Variants in OSBPL10 observed in about 807,000 individuals in gnomAD.
OSBPL10 encodes the protein oxysterol-binding protein-related protein 10.
OSBPL10 carries 49 observed loss-of-function variants against 81.7 expected under a neutral mutation model. The observed-to-expected ratio is 0.60, with a 90% confidence interval of 0.48 to 0.76. OSBPL10 has a LOEUF of 0.76. Ranked by LOEUF, OSBPL10 falls within the 30% of genes least tolerant of loss-of-function variation. The probability of loss-of-function intolerance (pLI) is 0.00; values close to 1 mark genes in which losing one functional copy is unlikely to be tolerated. For synonymous variants in OSBPL10, 419 were observed against 383.6 expected, an observed-to-expected ratio of 1.09 and a Z score of -1.08; for missense variants, 923 against 987.8, an observed-to-expected ratio of 0.93 and a Z score of 0.88.
chr3:32,003,353 G>A (rs1699170058), intron 2 of OSBPL10, among the ~76,000 whole-genome samples: 1 of 152,222 alleles, frequency 6.6e-6, no homozygotes, highest in Non-Finnish European at 1.5e-5. Context: ...GAAGTGCTAA[G>A]GGGGAGTTCC....
In OSBPL10 at chr3:31,879,717, C is replaced by T. The variant is rs1183650274; in HGVS notation, c.395G>A (p.Ser132Asn). 1 of 1,614,206 alleles carries T rather than the reference C, an allele frequency of 6.2e-7. No individual in the cohort carries two copies. Among genetic ancestry groups the T allele is most frequent in the East Asian group, 2.2e-5 (1 of 44,886 alleles). Residue 132 changes from serine (S) to asparagine (N), a missense_variant, in exon 2 of 12, where the codon AGC (serine) becomes AAC (asparagine). By Grantham distance (46) the Ser-to-Asn change is conservative (BLOSUM62 1). Around this residue, in one of 3 missense-constraint regions of OSBPL10, gnomAD observed 514 missense variants for 508.0 expected, o/e 1.01. Coordinates refer to ENST00000396556, the MANE Select transcript of OSBPL10 (RefSeq NM_017784.5). ...LSLSGAIVSL[S>N]DEAPHMLVVY... ...CACCAGCATGTGGGGAGCTTCATCGCTCAGGGACACTATGGCTCCAGATAA... is the reference window on the plus strand; with the variant it reads ...CACCAGCATGTGGGGAGCTTCATCGTTCAGGGACACTATGGCTCCAGATAA...
In OSBPL10 at chr3:31,902,597, C is replaced by T. The variant is rs571019958; in HGVS notation, c.282-22767G>A. Among the ~76,000 whole-genome samples, 10 of 152,212 alleles carry T rather than the reference C, an allele frequency of 6.6e-5. No homozygotes were observed. The East Asian group carries it at 1.4e-3, about 21-fold the overall frequency. ...GTGTTTTTTGAGACAGAGTCTTGCT[C>T]TGTCGCCCAGGCTGGAGTGCAGTGG... On this transcript the variant is annotated intron_variant, in intron 1 of 11. Coordinates refer to ENST00000396556, the MANE Select transcript of OSBPL10 (RefSeq NM_017784.5).
chr3:31,961,047 CTTTTTTTTTTT>C (rs35027814), intron 1 of OSBPL10, among the ~76,000 whole-genome samples: 1 of 113,024 alleles, frequency 8.8e-6, no homozygotes, highest in African/African-American at 3.3e-5. Context: ...AAGCTACAGC[CTTTTTTTTTTT>C]TTTTTTTTTT....
At chr3:32,038,386 T>C (rs1367814248) in intron 2 of OSBPL10, among the ~76,000 whole-genome samples, 1 of 152,200 alleles carries the variant, frequency 6.6e-6, no homozygotes, top group Non-Finnish European at 1.5e-5. Context: ...AATGGTGCAA[T>C]ATTGGCTCAG....
At chr3:31,749,908 T>C (rs1253435560) in intron 4 of OSBPL10, among the ~76,000 whole-genome samples, 1 of 151,462 alleles carries the variant, frequency 6.6e-6, no homozygotes, top group African/African-American at 2.4e-5. Flanking sequence ...AGGCCGGGCA[T>C]GGTGGCTCAC....
At chr3:31,924,497 C>G (rs1697014500) in intron 1 of OSBPL10, among the ~76,000 whole-genome samples, 1 of 152,122 alleles carries the variant, frequency 6.6e-6, no homozygotes, top group African/African-American at 2.4e-5. Flanking sequence ...CAGGTAAAAT[C>G]CTGGATAACA....
chr3:31,889,311 G>C (rs1339338520), intron 1 of OSBPL10, among the ~76,000 whole-genome samples: 2 of 152,152 alleles, frequency 1.3e-5, no homozygotes, highest in Non-Finnish European at 2.9e-5. Flanking sequence ...TTTATGCAAA[G>C]GAAAGGAAAT....
intron 1 of OSBPL10, among the ~76,000 whole-genome samples, chr3:31,913,165 C>T (rs1240288886): frequency 6.6e-6 from 1 of 151,840 alleles, no homozygotes; most frequent in Non-Finnish European, 1.5e-5. Flanking sequence ...AATACCACCC[C>T]TGGAGACCCT....
intron 4 of OSBPL10, among the ~76,000 whole-genome samples, chr3:31,829,259 G>A (rs1575571081): frequency 6.6e-6 from 1 of 152,118 alleles, no homozygotes; most frequent in Admixed American, 6.5e-5. Flanking sequence ...AAAGGAAGTA[G>A]GCAACCAAAA....
At chr3:31,894,703 G>A (rs534097346) in intron 1 of OSBPL10, among the ~76,000 whole-genome samples, 8 of 152,290 alleles carry the variant, frequency 5.3e-5, no homozygotes, top group African/African-American at 1.9e-4. Context: ...TTGAAGCCAG[G>A]ATCTGAATTT....
At chr3:31,722,347 A>T (rs752234320) in intron 6 of OSBPL10, among the ~76,000 whole-genome samples, 1 of 152,156 alleles carries the variant, frequency 6.6e-6, no homozygotes, top group Non-Finnish European at 1.5e-5. Context: ...GTCAGTGACC[A>T]TCAGGAGCAC....
At chr3:32,003,860 T>C (rs573751953) in intron 2 of OSBPL10, among the ~76,000 whole-genome samples, 1 of 152,078 alleles carries the variant, frequency 6.6e-6, no homozygotes, top group East Asian at 1.9e-4. Context: ...AACAGTGGAT[T>C]TGGAGGGACA....
chr3:31,975,486 G>C (rs767690850), intron 1 of OSBPL10, among the ~76,000 whole-genome samples: 1 of 152,160 alleles, frequency 6.6e-6, no homozygotes, highest in Non-Finnish European at 1.5e-5. Context: ...AATGCTGGGG[G>C]CTAAACACTA....
intron 2 of OSBPL10, 93 bp from the exon 3 acceptor site, chr3:31,876,605 C>A: frequency 3.9e-6 from 4 of 1,037,902 alleles, no homozygotes; most frequent in Middle Eastern, 2.4e-4. Context: ...GGGTGGGGAG[C>A]CTGGGGAGTG....
upstream of OSBPL10, among the ~76,000 whole-genome samples, chr3:31,985,495 C>A (rs1698922115): frequency 6.6e-6 from 1 of 152,212 alleles, no homozygotes; most frequent in South Asian, 2.1e-4. Flanking sequence ...AGGGAGCTGA[C>A]TACCCCATCT....
chr3:31,755,613 G>A (rs1008473073), intron 4 of OSBPL10, among the ~76,000 whole-genome samples: 3 of 152,212 alleles, frequency 2.0e-5, no homozygotes, highest in African/African-American at 4.8e-5. Flanking sequence ...AGGCAGGACA[G>A]GCTAATGGCA....
At chr3:31,916,271 A>T (rs997603864) in intron 1 of OSBPL10, among the ~76,000 whole-genome samples, 1 of 152,204 alleles carries the variant, frequency 6.6e-6, no homozygotes, top group Non-Finnish European at 1.5e-5. Flanking sequence ...AAATAAGTTA[A>T]CATGCAGAAA....
chr3:31,668,026 CT>C (rs1216368360), intron 10 of OSBPL10, among the ~76,000 whole-genome samples: 2 of 152,158 alleles, frequency 1.3e-5, no homozygotes, highest in African/African-American at 4.8e-5. Flanking sequence ...CAGGTGATTT[CT>C]TTCTTTTGTT....
intron 4 of OSBPL10, among the ~76,000 whole-genome samples, chr3:31,776,391 C>CA (rs1175474922): frequency 2.6e-4 from 40 of 152,242 alleles, no homozygotes; most frequent in Admixed American, 6.5e-4. Context: ...CAGCTTGCTA[C>CA]GAAAAACAGT....
Sources: allele counts gnomAD v4.1 joint callset (sites outside exome capture counted in the v4.1 genomes callset), GRCh38; gene constraint gnomAD v4.1.1; regional missense constraint gnomAD v4.1.1; transcripts MANE v1.5; gene names NCBI Gene and HGNC (gene_info 2026-07-23, HGNC 2026-07-21).